The following IQGAP2 variants were observed in gnomAD, a reference collection of about 807,000 sequenced individuals.
The protein encoded by IQGAP2 is ras GTPase-activating-like protein IQGAP2.
A neutral mutation model predicts 201.3 loss-of-function variants in IQGAP2; 173 were observed. The ratio of observed to expected loss-of-function variants is 0.86; its 90% CI spans 0.76 to 0.98. IQGAP2 has a LOEUF of 0.98. IQGAP2 is among the 50% of genes least tolerant of loss of function. The pLI is 0.00. For synonymous variants in IQGAP2, 675 were observed against 673.9 expected (o/e 1.00, Z -0.03); for missense variants, 1,687 against 1,864.8 (o/e 0.90, Z 1.76).
intron 17 of IQGAP2, 89 bp from the exon 18 acceptor site, chr5:76,652,661 G>A: frequency 1.1e-6 from 1 of 917,440 alleles, no homozygotes; most frequent in South Asian, 1.3e-5. Context: ...CCAGCTCCAT[G>A]CGGCCTGAGA....
chr5:76,650,452 G>T (rs1327237777), intron 17 of IQGAP2, among the ~76,000 whole-genome samples: 2 of 152,130 alleles, frequency 1.3e-5, no homozygotes, highest in East Asian at 1.9e-4. Context: ...GGTACAGATT[G>T]TTTGCATAGA....
At chr5:76,663,978 T>C (rs1743508035) in intron 21 of IQGAP2, among the ~76,000 whole-genome samples, 1 of 152,244 alleles carries the variant, frequency 6.6e-6, no homozygotes, top group Non-Finnish European at 1.5e-5. Flanking sequence ...TCAAACTTTC[T>C]CCATATCAGC....
chr5:76,534,827 A>T (rs1322207332), intron 2 of IQGAP2, among the ~76,000 whole-genome samples: 1 of 152,248 alleles, frequency 6.6e-6, no homozygotes, highest in Non-Finnish European at 1.5e-5. Context: ...GTGTGAGTGA[A>T]AAACATTTAC....
chr5:76,554,906 A>G (rs529557553), intron 2 of IQGAP2, among the ~76,000 whole-genome samples: 1 of 152,376 alleles, frequency 6.6e-6, no homozygotes, highest in African/African-American at 2.4e-5. Context: ...ATGGGGGAAA[A>G]TAACATGTCC....
chr5:76,551,744 C>T (rs1325091693), intron 2 of IQGAP2, among the ~76,000 whole-genome samples: 1 of 152,018 alleles, frequency 6.6e-6, no homozygotes, highest in Non-Finnish European at 1.5e-5. Context: ...ATCCCAGGCA[C>T]TCTGCAGGCT....
At chr5:76,622,753 C>G (rs530549572) in intron 13 of IQGAP2, among the ~76,000 whole-genome samples, 61 of 152,322 alleles carry the variant, frequency 4.0e-4, no homozygotes, top group African/African-American at 1.4e-3. Flanking sequence ...ATGACTTTCT[C>G]TTTCTGGCAG....
intron 2 of IQGAP2, among the ~76,000 whole-genome samples, chr5:76,523,327 G>A (rs1758798070): frequency 6.6e-6 from 1 of 152,028 alleles, no homozygotes; most frequent in Non-Finnish European, 1.5e-5. Context: ...CTAGGCTCAA[G>A]CGATCCTCCC....
intron 13 of IQGAP2, among the ~76,000 whole-genome samples, chr5:76,620,264 A>G (rs1033018424): frequency 9.8e-5 from 15 of 152,322 alleles, no homozygotes; most frequent in Admixed American, 2.6e-4. Context: ...TTTGGAGGCT[A>G]CTGTCATCAT....
intron 2 of IQGAP2, chr5:76,547,472 T>C (rs1420400207): frequency 2.1e-6 from 2 of 954,614 alleles, no homozygotes; most frequent in Non-Finnish European, 2.5e-6. Flanking sequence ...AATGATCTTA[T>C]TAAGCTTGTT....
chr5:76,538,178 A>G (rs1759736191), intron 2 of IQGAP2, among the ~76,000 whole-genome samples: 1 of 151,920 alleles, frequency 6.6e-6, no homozygotes, highest in South Asian at 2.1e-4. Flanking sequence ...GTTCAGGGGA[A>G]CTCCTCTTTA....
intron 12 of IQGAP2, among the ~76,000 whole-genome samples, chr5:76,608,418 T>C (rs2150335137): frequency 6.6e-6 from 1 of 152,360 alleles, no homozygotes; most frequent in East Asian, 1.9e-4. Flanking sequence ...TCCTGAAGTA[T>C]TGAGTTTGAT....
chr5:76,552,741 A>G (rs760659169), intron 2 of IQGAP2, among the ~76,000 whole-genome samples: 2 of 152,322 alleles, frequency 1.3e-5, no homozygotes, highest in Middle Eastern at 6.8e-3. Context: ...AGTCTCTCTT[A>G]GCATCTGAGA....
At chr5:76,521,289 C>T (rs1183330897) in intron 2 of IQGAP2, among the ~76,000 whole-genome samples, 3 of 152,176 alleles carry the variant, frequency 2.0e-5, no homozygotes, top group Non-Finnish European at 4.4e-5. Context: ...AGGGCAGTGA[C>T]TATGTGTACC....
At chr5:76,423,724 A>G (rs1476474558) in intron 1 of IQGAP2, among the ~76,000 whole-genome samples, 1 of 152,224 alleles carries the variant, frequency 6.6e-6, no homozygotes, top group Non-Finnish European at 1.5e-5. Context: ...GCAGATATGC[A>G]AGAAAGGATT....
intron 2 of IQGAP2, among the ~76,000 whole-genome samples, chr5:76,480,837 C>T (rs111784476): frequency 0.011 from 1,719 of 152,282 alleles, 32 homozygotes; most frequent in African/African-American, 0.039. Context: ...AACAGAGTAC[C>T]TGAGACTGAG....
chr5:76,523,242 ACT>A (rs1335147963), intron 2 of IQGAP2, among the ~76,000 whole-genome samples: 2 of 150,080 alleles, frequency 1.3e-5, no homozygotes, highest in Non-Finnish European at 3.0e-5. Flanking sequence ...GCACCACCAC[ACT>A]CTGCTAATTT....
intron 2 of IQGAP2, among the ~76,000 whole-genome samples, chr5:76,546,954 A>G (rs1162498568): frequency 6.6e-6 from 1 of 152,196 alleles, no homozygotes; most frequent in Non-Finnish European, 1.5e-5. Context: ...GGTGACAATG[A>G]TTGACGGCAT....
In IQGAP2 at chr5:76,637,196, T is replaced by C. The variant is rs1280949872; in HGVS notation, c.1923+20T>C. The C allele has an allele frequency of 6.3e-7, 1 of 1,581,298 alleles. No homozygotes were observed. Among genetic ancestry groups the C allele is most frequent in the Non-Finnish European group, 8.6e-7 (1 of 1,162,912 alleles). Reference sequence around the variant, plus strand: ...ATCGAGGTAGGAGGTTGGTGTTTGATGGATAACTCTACTGTATAAAGTTAA... The same window carrying C: ...ATCGAGGTAGGAGGTTGGTGTTTGACGGATAACTCTACTGTATAAAGTTAA... On this transcript the variant is annotated intron_variant, in intron 16 of 35. Transcript: ENST00000274364.
intron 14 of IQGAP2, among the ~76,000 whole-genome samples, chr5:76,631,075 G>GTT (rs1021801357): frequency 1.1e-4 from 16 of 152,246 alleles, no homozygotes; most frequent in African/African-American, 3.6e-4. Context: ...TCCTCAAGAT[G>GTT]TTTTTCATGT....
Sources: allele counts gnomAD v4.1 joint callset (sites outside exome capture counted in the v4.1 genomes callset), GRCh38; gene constraint gnomAD v4.1.1; transcripts MANE v1.5; gene names NCBI Gene and HGNC (gene_info 2026-07-23, HGNC 2026-07-21).